SIPA1L3: variants seen among roughly 807,000 people sequenced by gnomAD.
SIPA1L3 encodes signal-induced proliferation-associated 1-like protein 3.
In SIPA1L3, 59 loss-of-function variants were observed where a neutral mutation model predicts 150.1. The observed-to-expected ratio is 0.39, with a 90% CI of 0.32 to 0.49. The LOEUF (loss-of-function observed/expected upper bound fraction) is 0.49. Ranked by LOEUF, SIPA1L3 falls within the 20% of genes least tolerant of loss-of-function variation. SIPA1L3 has a pLI of 0.86. For synonymous variants in SIPA1L3, 1,070 were observed against 1,077.6 expected, an observed-to-expected ratio of 0.99 and a Z score of 0.14; for missense variants, 2,211 against 2,489.5, an observed-to-expected ratio of 0.89 and a Z score of 2.38.
intron 9 of SIPA1L3, among the ~76,000 whole-genome samples, chr19:38,125,787 G>A (rs895024138): frequency 1.3e-5 from 2 of 152,192 alleles, no homozygotes; most frequent in East Asian, 1.9e-4. Flanking sequence ...GTTGTTATGC[G>A]CCTGGCCTTG....
chr19:38,174,475 C>T (rs560390884), intron 15 of SIPA1L3, among the ~76,000 whole-genome samples: 1 of 152,272 alleles, frequency 6.6e-6, no homozygotes, highest in South Asian at 2.1e-4. Flanking sequence ...ATCACAGCTC[C>T]ACCTCTTACC....
At chr19:37,921,682 C>T (rs1421101690) in intron 1 of SIPA1L3, among the ~76,000 whole-genome samples, 1 of 151,878 alleles carries the variant, frequency 6.6e-6, no homozygotes, top group Non-Finnish European at 1.5e-5. Flanking sequence ...CTCACCGCAA[C>T]CTCGAACTCC....
intron 12 of SIPA1L3, among the ~76,000 whole-genome samples, chr19:38,143,925 C>G (rs1260977443): frequency 6.6e-6 from 1 of 152,192 alleles, no homozygotes; most frequent in Non-Finnish European, 1.5e-5. Context: ...TTTGGCCCCT[C>G]CCTGTGGCCA....
intron 12 of SIPA1L3, among the ~76,000 whole-genome samples, chr19:38,150,816 C>T (rs1971804983): frequency 6.6e-6 from 1 of 152,194 alleles, no homozygotes. Context: ...GCTGGGATTA[C>T]AGGCGTGAGC....
At chr19:38,039,398 G>A (rs1968861297) in intron 2 of SIPA1L3, among the ~76,000 whole-genome samples, 1 of 142,740 alleles carries the variant, frequency 7.0e-6, no homozygotes, top group Non-Finnish European at 1.5e-5. Context: ...GGGGGTGGGG[G>A]TGGTGGGGGT....
rs140521400 is a variant in SIPA1L3, at chr19:38,174,164, C to T, written c.4209-8355C>T. Among the ~76,000 whole-genome samples, 609 of 152,216 alleles carry T rather than the reference C, an allele frequency of 4.0e-3. 1 individual carries two copies. Among genetic ancestry groups the T allele is most frequent in the Non-Finnish European group, 7.2e-3 (488 of 67,990 alleles). On this transcript the variant is annotated intron_variant, in intron 15 of 21. Transcript: ENST00000222345. ...AGGTGGCAGTGGTTGGTGGAGGTAG[C>T]GAGCAGTGGCTTGATTGGTATCTCT...
intron 1 of SIPA1L3, among the ~76,000 whole-genome samples, chr19:37,941,948 G>T (rs1280865278): frequency 2.0e-5 from 3 of 152,210 alleles, no homozygotes; most frequent in African/African-American, 7.2e-5. Flanking sequence ...GAGAGCAGTA[G>T]CACGCTTGAA....
intron 4 of SIPA1L3, among the ~76,000 whole-genome samples, chr19:38,097,405 T>A (rs1725472): frequency 0.47 from 70,931 of 152,074 alleles, 17,158 homozygotes; most frequent in East Asian, 0.74. Flanking sequence ...AATAGACAGA[T>A]ATAAATGATG....
intron 8 of SIPA1L3, 85 bp downstream of exon 8, chr19:38,110,469 C>T: frequency 8.9e-7 from 1 of 1,118,338 alleles, no homozygotes; most frequent in Non-Finnish European, 1.3e-6. Flanking sequence ...CAGGGCCCCC[C>T]CACACCTCAC....
chr19:38,194,406 C>T (rs987691909), intron 18 of SIPA1L3, among the ~76,000 whole-genome samples: 1 of 151,080 alleles, frequency 6.6e-6, no homozygotes, highest in African/African-American at 2.4e-5. Context: ...TAAGTTTGCA[C>T]CATGCTCACT....
At chr19:38,060,700 T>C (rs893166272) in intron 2 of SIPA1L3, among the ~76,000 whole-genome samples, 5 of 151,782 alleles carry the variant, frequency 3.3e-5, no homozygotes, top group Non-Finnish European at 5.9e-5. Context: ...AAGTGCTAAC[T>C]TTTTTTTTGA....
intron 1 of SIPA1L3, among the ~76,000 whole-genome samples, chr19:37,937,199 G>C (rs370295451): frequency 7.9e-5 from 12 of 152,222 alleles, no homozygotes; most frequent in African/African-American, 2.6e-4. Flanking sequence ...TGGACACACA[G>C]AATTGGATTA....
rs60445902 is a variant in SIPA1L3 at position 38,180,537 on chromosome 19, CTTTTTT to C, written c.4209-1970_4209-1965del. Among the ~76,000 whole-genome samples the C allele has an allele frequency of 4.0e-5, 5 of 124,686 alleles. No homozygotes were observed. In the South Asian group the frequency reaches 1.0e-3, roughly 26 times the overall value. The allele number at this position is 124,686 out of a possible 152,430, so 81.8% of individuals were successfully genotyped here. On this transcript the variant is annotated intron_variant, in intron 15 of 21. Coordinates refer to ENST00000222345, the MANE Select transcript of SIPA1L3 (RefSeq NM_015073.3). The stretch of plus-strand genomic sequence containing the variant: ...CTTAGCATTTTTCTTTTTTTCTTTT[CTTTTTT>C]TTTTTTTTTTTGAGACAATTTCACT...
intron 1 of SIPA1L3, among the ~76,000 whole-genome samples, chr19:37,948,120 C>T (rs953836675): frequency 6.6e-6 from 1 of 152,184 alleles, no homozygotes; most frequent in Non-Finnish European, 1.5e-5. Context: ...CTTCTGTCCC[C>T]ATGGCTGGGC....
At chr19:37,958,726 A>T (rs1449434316) in intron 1 of SIPA1L3, among the ~76,000 whole-genome samples, 1 of 152,228 alleles carries the variant, frequency 6.6e-6, no homozygotes, top group East Asian at 1.9e-4. Context: ...TGTGATGCAA[A>T]GGATGCCATC....
intron 13 of SIPA1L3, 48 bp from the exon 14 acceptor site, chr19:38,162,205 T>G (rs758465619): frequency 1.4e-6 from 2 of 1,466,906 alleles, no homozygotes; most frequent in Non-Finnish European, 1.9e-6. Flanking sequence ...CTTCAGGCCC[T>G]GGCCTGAGTC....
intron 8 of SIPA1L3, among the ~76,000 whole-genome samples, chr19:38,114,528 C>T (rs1048716526): frequency 6.6e-6 from 1 of 152,134 alleles, no homozygotes; most frequent in Non-Finnish European, 1.5e-5. Context: ...GGGAGGTCAT[C>T]TCATCCATCC....
chr19:38,012,183 C>T (rs1968117159), intron 1 of SIPA1L3, among the ~76,000 whole-genome samples: 1 of 151,664 alleles, frequency 6.6e-6, no homozygotes, highest in Non-Finnish European at 1.5e-5. Context: ...ACCTTCCCGG[C>T]TCCTGGCTCA....
In SIPA1L3 at chr19:38,124,853, C is replaced by T. The variant is rs951763520; in HGVS notation, c.2868+4971C>T. 1.6e-4 allele frequency among the ~76,000 whole-genome samples: 24 copies of T among 152,268 alleles called. No individual in the cohort carries two copies. The East Asian group carries it at 4.1e-3, about 26-fold the overall frequency. The stretch of plus-strand genomic sequence containing the variant: ...CGTCTCCACCAAAAAAATACGAAAA[C>T]CAGTCAGGTGTGGCGGCGCGCGCCT... On this transcript the variant is annotated intron_variant, in intron 9 of 21. Coordinates refer to ENST00000222345, the MANE Select transcript of SIPA1L3 (RefSeq NM_015073.3).
Sources: allele counts gnomAD v4.1 joint callset (sites outside exome capture counted in the v4.1 genomes callset), GRCh38; gene constraint gnomAD v4.1.1; transcripts MANE v1.5; gene names NCBI Gene and HGNC (gene_info 2026-07-23, HGNC 2026-07-21).